The following CFAP99 variants were observed in gnomAD, a reference collection of about 807,000 sequenced individuals.
CFAP99 encodes cilia and flagella associated protein 99.
CFAP99 carries 84 observed loss-of-function variants against 82.7 expected under a neutral mutation model. That is an observed-to-expected ratio of 1.02 (90% CI 0.85 to 1.22). The LOEUF (loss-of-function observed/expected upper bound fraction) is 1.22. CFAP99 is among the 50% of genes most tolerant of loss of function. The probability of loss-of-function intolerance (pLI) is 0.00; values close to 1 mark genes in which losing one functional copy is unlikely to be tolerated. For missense variants in CFAP99, 1,059 were observed against 983.5 expected (o/e 1.08, Z -1.03); for synonymous variants, 456 against 429.5 (o/e 1.06, Z -0.76).
chr4:2,419,429 C>A (rs1326902663), intron 1 of CFAP99, among the ~76,000 whole-genome samples: 1 of 152,154 alleles, frequency 6.6e-6, no homozygotes, highest in East Asian at 1.9e-4. Context: ...CATTGACAGC[C>A]AGAGAAGCAG....
chr4:2,436,383 A>G (rs1412172351), intron 2 of CFAP99, among the ~76,000 whole-genome samples: 2 of 152,214 alleles, frequency 1.3e-5, no homozygotes, highest in African/African-American at 2.4e-5. Flanking sequence ...GGTAAAATAC[A>G]TGACATAAAA....
At chr4:2,433,292 C>G (rs866734609) in intron 2 of CFAP99, among the ~76,000 whole-genome samples, 2 of 152,156 alleles carry the variant, frequency 1.3e-5, no homozygotes, top group Non-Finnish European at 2.9e-5. Flanking sequence ...GTGCCTGAGC[C>G]GGGGAGGCCA....
exon 9 of CFAP99, chr4:2,450,990 G>T (rs1267764959): frequency 1.3e-6 from 2 of 1,535,890 alleles, no homozygotes; most frequent in Non-Finnish European, 1.7e-6. Flanking sequence ...CCCCGAATCC[G>T]AAAGACTCCG....
chr4:2,440,164 T>TTTTTTTTTTTTTTTTTTG, intron 4 of CFAP99, among the ~76,000 whole-genome samples: 1 of 128,480 alleles, frequency 7.8e-6, no homozygotes. Flanking sequence ...TTTTTTTTTT[T>TTTTTTTTTTTTTTTTTTG]GAGACGGAGT....
chr4:2,447,916 AATGAATGGATGGGTGGATGG>A (rs1183724066), intron 6 of CFAP99, among the ~76,000 whole-genome samples: 3 of 86,402 alleles, frequency 3.5e-5, no homozygotes, highest in African/African-American at 1.6e-4. Context: ...TGAGTGGGTG[AATGAATGGATGGGTGGATGG>A]ATGGATGGAT....
rs1172492872 is a variant in CFAP99 at position 2,446,250 on chromosome 4, G to A, written c.642+942G>A. 7.2e-5 allele frequency among the ~76,000 whole-genome samples: 11 copies of A among 152,104 alleles called. No individual in the cohort carries two copies. Among genetic ancestry groups the A allele is most frequent in the Admixed American group, 5.9e-4 (9 of 15,268 alleles). On this transcript the variant is annotated intron_variant, in intron 6 of 14. Coordinates refer to ENST00000635017, the Ensembl canonical transcript of CFAP99. The surrounding 1 kb of genome is among the most constrained non-coding windows in gnomAD (Gnocchi z 5.0). ...CTGATCCTGGCTCCTTTTCTTCACC[G>A]AATTGGAGTTTAGAGTTGTTTAGTA...
chr4:2,441,885 C>A (rs945368856), intron 4 of CFAP99, among the ~76,000 whole-genome samples: 1 of 152,174 alleles, frequency 6.6e-6, no homozygotes, highest in Non-Finnish European at 1.5e-5. Flanking sequence ...GAGTGGTGGG[C>A]GGTGACATGG....
In CFAP99 at chr4:2,450,257, G is replaced by T. The variant is rs1241078144; in HGVS notation, c.795+252G>T. On this transcript the variant is annotated intron_variant, in intron 8 of 14. Transcript: ENST00000635017. Reference sequence around the variant, plus strand: ...TCACGGGAAAGCACCTGCAGGTGCTGCCTCTGGGTATCTCCAGATGTTCCG... The same window carrying T: ...TCACGGGAAAGCACCTGCAGGTGCTTCCTCTGGGTATCTCCAGATGTTCCG... 3 of 552,768 alleles carry T rather than the reference G, an allele frequency of 5.4e-6. No individual in the cohort carries two copies. The Admixed American group carries it at 9.2e-5, about 17-fold the overall frequency. The allele number at this position is 552,768 out of a possible 1,614,324, so 34.2% of individuals were successfully genotyped here. A position where few individuals can be genotyped will look rare whatever the true frequency, so the allele number is the denominator to read the frequency against.
In CFAP99 at chr4:2,444,261, G is replaced by A. The variant is rs914480864; in HGVS notation, c.465-870G>A. Among the ~76,000 whole-genome samples the A allele has an allele frequency of 3.3e-5, 5 of 152,190 alleles. No homozygotes were observed. The South Asian group carries it at 6.2e-4, about 19-fold the overall frequency. ...CCCCATGGCCTGGGCCTGCAGGGTT[G>A]CCTCTGGGAAGCTACTCAGCTCAGT... On this transcript the variant is annotated intron_variant, in intron 5 of 14. Coordinates refer to ENST00000635017, the Ensembl canonical transcript of CFAP99.
chr4:2,421,709 G>A (rs1733589550), intron 1 of CFAP99, among the ~76,000 whole-genome samples: 1 of 151,460 alleles, frequency 6.6e-6, no homozygotes, highest in Admixed American at 6.6e-5. Context: ...GATCAATGGA[G>A]TTAAAATCAA....
intron 11 of CFAP99, among the ~76,000 whole-genome samples, chr4:2,454,965 G>A (rs1734393792): frequency 6.6e-6 from 1 of 152,146 alleles, no homozygotes; most frequent in Admixed American, 6.6e-5. Flanking sequence ...TGTCGCCCAG[G>A]CTGGAGCGCA....
At chr4:2,443,636 G>T (rs1317472455) in intron 5 of CFAP99, among the ~76,000 whole-genome samples, 2 of 152,194 alleles carry the variant, frequency 1.3e-5, no homozygotes, top group African/African-American at 4.8e-5. Context: ...AGGGCCTTTG[G>T]CCTCTCTGCA....
chr4:2,454,603 T>TG (rs1734385986), intron 11 of CFAP99, among the ~76,000 whole-genome samples: 1 of 150,490 alleles, frequency 6.6e-6, no homozygotes, highest in Non-Finnish European at 1.5e-5. Context: ...TGTTTTTTTT[T>TG]TTTTTTGGTT....
chr4:2,450,966 G>T, exon 9 of CFAP99: 1 of 1,535,962 alleles, frequency 6.5e-7, no homozygotes, highest in Non-Finnish European at 8.7e-7. Flanking sequence ...CAGCAGCTGC[G>T]GCTTCAGTTC....
At chr4:2,460,014 G>A (rs560265449) in intron 13 of CFAP99, 23 bp from the exon 14 acceptor site, 1 of 1,534,296 alleles carries the variant, frequency 6.5e-7, no homozygotes, top group Non-Finnish European at 8.7e-7. Context: ...TCCCAGCTTG[G>A]GGCCTCCCCT....
intron 6 of CFAP99, 125 bp downstream of exon 6, chr4:2,445,433 A>G (rs1158023124): frequency 4.7e-6 from 4 of 855,160 alleles, no homozygotes; most frequent in Admixed American, 8.6e-5. Context: ...ACTGGACCAG[A>G]CCAGGAACAC....
intron 13 of CFAP99, 139 bp from the exon 14 acceptor site, chr4:2,459,898 G>C (rs1001194080): frequency 2.7e-6 from 2 of 733,014 alleles, no homozygotes; most frequent in African/African-American, 1.7e-5. Flanking sequence ...GGAGAGGCTG[G>C]GGGCATGTTT....
intron 12 of CFAP99, 112 bp from the exon 13 acceptor site, chr4:2,458,995 T>C: frequency 6.9e-7 from 1 of 1,445,020 alleles, no homozygotes; most frequent in Non-Finnish European, 9.1e-7. Flanking sequence ...CACTCCCAGG[T>C]GGCCGCACTG....
intron 4 of CFAP99, among the ~76,000 whole-genome samples, chr4:2,439,446 G>A (rs1199259096): frequency 6.6e-6 from 1 of 152,166 alleles, no homozygotes; most frequent in Admixed American, 6.5e-5. Flanking sequence ...TCTTCAGGGG[G>A]TGTTCCAAGC....
Sources: allele counts gnomAD v4.1 joint callset (sites outside exome capture counted in the v4.1 genomes callset), GRCh38; gene constraint gnomAD v4.1.1; non-coding constraint Gnocchi (gnomAD v3.1); transcripts MANE v1.5; gene names NCBI Gene and HGNC (gene_info 2026-07-23, HGNC 2026-07-21).